Variants in PDE3A observed in about 807,000 individuals in gnomAD.
PDE3A encodes cGMP-inhibited 3',5'-cyclic phosphodiesterase 3A.
Under a neutral mutation model 98.3 loss-of-function variants are expected in PDE3A, and 43 were observed. That is an observed-to-expected ratio of 0.44 (90% CI 0.34 to 0.56). PDE3A has a LOEUF of 0.56. Among genes scored for constraint, PDE3A ranks in the 20% least tolerant of loss-of-function variants. PDE3A has a pLI of 0.01. For synonymous variants in PDE3A, 663 were observed against 567.9 expected (o/e 1.17, Z -2.38); for missense variants, 1,427 against 1,440.7 (o/e 0.99, Z 0.15).
At chr12:20,439,007 G>A (rs1944824528) in intron 1 of PDE3A, among the ~76,000 whole-genome samples, 1 of 151,862 alleles carries the variant, frequency 6.6e-6, no homozygotes, top group Non-Finnish European at 1.5e-5. Flanking sequence ...GTTGGTCAGG[G>A]TGGTCTCAAA....
rs919813281 is a variant in PDE3A at position 20,668,540 on chromosome 12, C to G, written c.3185-11490C>G. Among the ~76,000 whole-genome samples the G allele has an allele frequency of 3.9e-5, 6 of 152,168 alleles. No individual in the cohort carries two copies. In the South Asian group the frequency reaches 1.2e-3, roughly 32 times the overall value. On this transcript the variant is annotated intron_variant, in intron 15 of 15. Coordinates refer to ENST00000359062, the MANE Select transcript of PDE3A (RefSeq NM_000921.5). ...CTGCCTCCTCAAGTGGGTCCCTGAC[C>G]CCTGACCCCTGAGCAGCCTAACTGG...
chr12:20,593,559 A>G (rs1218286971), intron 2 of PDE3A, among the ~76,000 whole-genome samples: 1 of 151,968 alleles, frequency 6.6e-6, no homozygotes, highest in Non-Finnish European at 1.5e-5. Flanking sequence ...AAAAAAAAAA[A>G]ATGTCAGTCT....
chr12:20,489,873 A>C (rs1233697130), intron 1 of PDE3A, among the ~76,000 whole-genome samples: 1 of 152,196 alleles, frequency 6.6e-6, no homozygotes, highest in Non-Finnish European at 1.5e-5. Flanking sequence ...CAGGAAACAC[A>C]GGGCTGTGGA....
chr12:20,463,355 T>C (rs796574353), intron 1 of PDE3A, among the ~76,000 whole-genome samples: 11 of 152,256 alleles, frequency 7.2e-5, no homozygotes, highest in African/African-American at 2.6e-4. Context: ...AAAATGAAAA[T>C]AATTATCTTT....
Position 20,653,953 on chromosome 12 carries a change from G to A in PDE3A, c.2932G>A (p.Glu978Lys). 1 of 1,613,930 alleles carries A rather than the reference G, an allele frequency of 6.2e-7. No homozygotes were observed. Among genetic ancestry groups the A allele is most frequent in the African/African-American group, 1.3e-5 (1 of 75,046 alleles). ...ACTTGTATTTTATTTCTAGGGTGAT[G>A]AAGAGGCCAGCCTTGGATTACCCAT... ...IVNEFYEQGD[E>K]EASLGLPISP... The change falls in exon 15 of 16, where the codon GAA becomes AAA. Residue 978 changes from glutamate (E) to lysine (K), a missense_variant. Physicochemically the swap from Glu to Lys is moderately conservative, Grantham distance 56 (BLOSUM62 1). Coordinates refer to ENST00000359062, the MANE Select transcript of PDE3A (RefSeq NM_000921.5).
chr12:20,439,792 A>G (rs1944840533), intron 1 of PDE3A, among the ~76,000 whole-genome samples: 2 of 152,138 alleles, frequency 1.3e-5, no homozygotes, highest in Admixed American at 1.3e-4. Flanking sequence ...ACCCCACCCT[A>G]GAGACAGATT....
At chr12:20,456,184 A>G (rs77012524) in intron 1 of PDE3A, among the ~76,000 whole-genome samples, 6,122 of 152,230 alleles carry the variant, frequency 0.04, 168 homozygotes, top group South Asian at 0.069. Flanking sequence ...TTTAGAGAGA[A>G]TTGGAAGCAT....
At chr12:20,408,112 G>A (rs918531648) in intron 1 of PDE3A, among the ~76,000 whole-genome samples, 7 of 151,928 alleles carry the variant, frequency 4.6e-5, no homozygotes, top group Non-Finnish European at 8.8e-5. Flanking sequence ...GTAGAGATGG[G>A]GTTTCACCTT....
At chr12:20,523,516 T>G (rs1216469154) in intron 1 of PDE3A, among the ~76,000 whole-genome samples, 1 of 152,208 alleles carries the variant, frequency 6.6e-6, no homozygotes, top group Non-Finnish European at 1.5e-5. Context: ...AGAATAATTG[T>G]CTTTCTTTTT....
intron 1 of PDE3A, among the ~76,000 whole-genome samples, chr12:20,505,417 T>A (rs577962867): frequency 6.6e-6 from 1 of 152,188 alleles, no homozygotes; most frequent in Non-Finnish European, 1.5e-5. Flanking sequence ...AAGATCACAA[T>A]GAAAAATGTT....
At chr12:20,616,145 TA>T (rs1944000207) in intron 3 of PDE3A, 84 bp from the exon 4 acceptor site, 1 of 1,244,714 alleles carries the variant, frequency 8.0e-7, no homozygotes, top group Non-Finnish European at 1.1e-6. Flanking sequence ...CACTTCTAAT[TA>T]AAAGCTTGTT....
intron 9 of PDE3A, among the ~76,000 whole-genome samples, chr12:20,639,055 A>G (rs1023254230): frequency 5.9e-5 from 9 of 152,094 alleles, no homozygotes; most frequent in Admixed American, 4.6e-4. Context: ...TATATCTTCA[A>G]GTTCTCCAAA....
intron 2 of PDE3A, among the ~76,000 whole-genome samples, chr12:20,584,981 T>C (rs1305890581): frequency 6.6e-6 from 1 of 152,204 alleles, no homozygotes; most frequent in Non-Finnish European, 1.5e-5. Context: ...TGTTTCACTA[T>C]AGAAAATACG....
chr12:20,487,197 G>C (rs1231961260), intron 1 of PDE3A, among the ~76,000 whole-genome samples: 1 of 151,836 alleles, frequency 6.6e-6, no homozygotes, highest in Non-Finnish European at 1.5e-5. Context: ...TAGAACTAAA[G>C]AATAATTTAA....
Position 20,369,210 on chromosome 12 carries a change from T to C in PDE3A, c.-75T>C, listed in dbSNP as rs566929213. 410 of 807,734 alleles carry C rather than the reference T, an allele frequency of 5.1e-4. No individual in the cohort carries two copies. Among genetic ancestry groups the C allele is most frequent in the South Asian group, 3.7e-3 (186 of 50,126 alleles). The allele number at this position is 807,734 out of a possible 1,614,324, so 50.0% of individuals were successfully genotyped here. A position where few individuals can be genotyped will look rare whatever the true frequency, so the allele number is the denominator to read the frequency against. On this transcript the variant is annotated 5_prime_UTR_variant, in exon 1 of 16. Coordinates refer to ENST00000359062, the MANE Select transcript of PDE3A (RefSeq NM_000921.5). ...GCGTGCGTGTGTGTGTGTGTGTGTG[T>C]GCGCGCGCGCGCGTGGGTCGGGGCG...
intron 1 of PDE3A, among the ~76,000 whole-genome samples, chr12:20,399,248 T>A (rs1265821993): frequency 6.6e-6 from 1 of 152,206 alleles, no homozygotes. Context: ...TGCTTTCACT[T>A]TTTGTTTATT....
chr12:20,598,932 C>T (rs1943528104), intron 2 of PDE3A, among the ~76,000 whole-genome samples: 1 of 152,090 alleles, frequency 6.6e-6, no homozygotes, highest in Non-Finnish European at 1.5e-5. Flanking sequence ...TATGCCACAC[C>T]TTAATCTTCC....
chr12:20,570,186 C>G (rs1029487592), intron 2 of PDE3A, among the ~76,000 whole-genome samples: 1 of 151,876 alleles, frequency 6.6e-6, no homozygotes, highest in Non-Finnish European at 1.5e-5. Flanking sequence ...GTGGGTGGAT[C>G]ACTTGAGGCC....
intron 1 of PDE3A, among the ~76,000 whole-genome samples, chr12:20,462,728 A>G (rs1945272945): frequency 6.6e-6 from 1 of 152,066 alleles, no homozygotes; most frequent in African/African-American, 2.4e-5. Flanking sequence ...CTTTCATGCA[A>G]TTTGGTATTC....
Sources: allele counts gnomAD v4.1 joint callset (sites outside exome capture counted in the v4.1 genomes callset), GRCh38; gene constraint gnomAD v4.1.1; transcripts MANE v1.5; gene names NCBI Gene and HGNC (gene_info 2026-07-23, HGNC 2026-07-21).